ABCC5: variants seen among roughly 807,000 people sequenced by gnomAD.
The protein encoded by ABCC5 is ATP-binding cassette sub-family C member 5.
A neutral mutation model predicts 160.9 loss-of-function variants in ABCC5; 61 were observed. The ratio of observed to expected loss-of-function variants is 0.38; its 90% CI spans 0.31 to 0.47. ABCC5 has a LOEUF of 0.47. ABCC5 is among the 20% of genes least tolerant of loss of function. The pLI is 0.99. For missense variants in ABCC5, 1,308 were observed against 1,813.3 expected (o/e 0.72, Z 5.06); for synonymous variants, 666 against 700.6 (o/e 0.95, Z 0.78).
Position 183,951,424 on chromosome 3 carries a change from G to C in ABCC5, c.2944+17C>G, listed in dbSNP as rs372787700. On this transcript the variant is annotated intron_variant, in intron 20 of 29. Transcript: ENST00000334444. This position sits in a 1 kb window ranked among gnomAD's most constrained non-coding sequence, Gnocchi z 4.7. ...AGTGAGCTCCAGAGTATTAAAAAAA[G>C]GCTCAGTGAGAAATACCTTCATCCA... is the stretch of plus-strand genomic sequence containing the variant. 5.0e-6 allele frequency: 8 copies of C among 1,613,274 alleles called. 1 individual carries two copies. Among genetic ancestry groups the C allele is most frequent in the East Asian group, 2.2e-5 (1 of 44,866 alleles).
chr3:184,017,283 C>G lies in ABCC5; in HGVS notation c.-56+547G>C, dbSNP rs972915078. On this transcript the variant is annotated intron_variant, in intron 1 of 29. Coordinates refer to ENST00000334444, the MANE Select transcript of ABCC5 (RefSeq NM_005688.4). This position sits in a 1 kb window ranked among gnomAD's most constrained non-coding sequence, Gnocchi z 4.5. Reference sequence around the variant, plus strand: ...GGCTGCGTTCCCGGCACAGCCACGGCTTTGCTGCGCGTGCTTATGTCACGT... The same window carrying G: ...GGCTGCGTTCCCGGCACAGCCACGGGTTTGCTGCGCGTGCTTATGTCACGT... 1.3e-5 allele frequency: 2 copies of G among 152,284 alleles called. No individual in the cohort carries two copies. The highest frequency in any genetic ancestry group is 2.9e-5 in the Non-Finnish European group (2 of 68,084). 9.4% of individuals were successfully genotyped at this position (152,284 alleles called of 1,614,324 possible). A position where few individuals can be genotyped will look rare whatever the true frequency, so the allele number is the denominator to read the frequency against.
intron 5 of ABCC5, chr3:183,984,594 CCCAGGAAATAA>C (rs2108858724): frequency 1.5e-6 from 2 of 1,359,856 alleles, no homozygotes; most frequent in Middle Eastern, 5.6e-4. Context: ...TTTGCCAAGT[CCCAGGAAATAA>C]CCTGATCAAA....
Position 183,982,301 on chromosome 3 carries a change from G to T in ABCC5, c.999+150C>A. 1.1e-6 allele frequency: 1 copy of T among 873,934 alleles called. No homozygotes were observed. Among genetic ancestry groups the T allele is most frequent in the South Asian group, 1.8e-5 (1 of 54,514 alleles). The allele number at this position is 873,934 out of a possible 1,614,324, so 54.1% of individuals were successfully genotyped here. The stretch of plus-strand genomic sequence containing the variant: ...CTCAAGTCAAAATTCTGTCCCTATA[G>T]AGCAAGCACTATCGAGCTCTAGATT... On this transcript the variant is annotated intron_variant, in intron 7 of 29. Coordinates refer to ENST00000334444, the MANE Select transcript of ABCC5 (RefSeq NM_005688.4). The surrounding 1 kb of genome is among the most constrained non-coding windows in gnomAD (Gnocchi z 5.2).
chr3:183,991,321 A>C (rs1719750589), intron 2 of ABCC5, among the ~76,000 whole-genome samples: 1 of 151,060 alleles, frequency 6.6e-6, no homozygotes, highest in Non-Finnish European at 1.5e-5. Flanking sequence ...AAAAAACAAA[A>C]AACAAACAAA....
Position 183,977,540 on chromosome 3 carries a change from A to AGGCTTCT in ABCC5, c.1374_1380dup (p.Ser461ArgfsTer7). The stretch of plus-strand genomic sequence containing the variant: ...ACCTTAAATCTGTCAACAGCCACTG[A>AGGCTTCT]GGCTTCTGAGAGGGACTTTACTGAA... On this transcript the variant is annotated frameshift_variant, in exon 10 of 30. Coordinates refer to ENST00000334444, the MANE Select transcript of ABCC5 (RefSeq NM_005688.4). LOFTEE classifies it high-confidence loss of function. The AGGCTTCT allele has an allele frequency of 6.2e-7, 1 of 1,613,912 alleles. No homozygotes were observed.
chr3:183,925,690 G>A lies in ABCC5; in HGVS notation c.4077C>T (p.Ala1359=). ...TCAATAAGTCTGTCTCTGTGTCCAT[G>A]GCAGCTGTGGCTTCATCTAAAATCA... ...KILILDEATA[A]MDTETDLLIQ... is the part of the protein sequence containing the mutation. The change falls in exon 29 of 30, where the codon GCC becomes GCT. Residue 1359 remains alanine, a synonymous_variant. Transcript: ENST00000334444. 6.2e-7 allele frequency: 1 copy of A among 1,613,384 alleles called. No homozygotes were observed. Among genetic ancestry groups the A allele is most frequent in the Non-Finnish European group, 8.5e-7 (1 of 1,179,876 alleles).
chr3:183,945,909 G>A lies in ABCC5; in HGVS notation c.3445C>T (p.Leu1149=). The change falls in exon 24 of 30, where the codon CTG becomes TTG. Residue 1149 remains leucine, a synonymous_variant. Coordinates refer to ENST00000334444, the MANE Select transcript of ABCC5 (RefSeq NM_005688.4). ...AATCGAGCTTCTGTCTCAGATGCCA[G>A]TCTGACCGTAAACTGGAACAGCCCC... is the stretch of plus-strand genomic sequence containing the variant. ...LTGLFQFTVR[L]ASETEARFTS... is the part of the protein sequence containing the mutation. The A allele has an allele frequency of 6.2e-7, 1 of 1,614,124 alleles. No individual in the cohort carries two copies. The highest frequency in any genetic ancestry group is 8.5e-7 in the Non-Finnish European group (1 of 1,179,988).
chr3:183,942,872 G>A lies in ABCC5; in HGVS notation c.3549C>T (p.Pro1183=), dbSNP rs1258232093. The A allele has an allele frequency of 1.2e-6, 2 of 1,613,954 alleles. No homozygotes were observed. Among genetic ancestry groups the A allele is most frequent in the African/African-American group, 1.3e-5 (1 of 74,908 alleles). Reference sequence around the variant, plus strand: ...CTCCCTCCTGGGGCCAGTCAGGGGAGGGAGCCTTGTTCTTAATTCTGGCAG... The same window carrying A: ...CTCCCTCCTGGGGCCAGTCAGGGGAAGGAGCCTTGTTCTTAATTCTGGCAG... ...EAPARIKNKA[P]SPDWPQEGEV... The change falls in exon 25 of 30, where the codon CCC becomes CCT. Residue 1183 remains proline, a synonymous_variant. Coordinates refer to ENST00000334444, the MANE Select transcript of ABCC5 (RefSeq NM_005688.4).
intron 26 of ABCC5, among the ~76,000 whole-genome samples, chr3:183,930,115 G>C (rs1207453156): frequency 1.3e-5 from 2 of 152,208 alleles, no homozygotes; most frequent in East Asian, 1.9e-4. Flanking sequence ...AATTATGCCT[G>C]GCATGTGGGA....
In ABCC5 at chr3:184,017,089, C is replaced by G. The variant is rs1722252545; in HGVS notation, c.-56+741G>C. 6.6e-6 allele frequency among the ~76,000 whole-genome samples: 1 copy of G among 152,228 alleles called. No homozygotes were observed. Among genetic ancestry groups the G allele is most frequent in the Admixed American group, 6.5e-5 (1 of 15,284 alleles). On this transcript the variant is annotated intron_variant, in intron 1 of 29. Transcript: ENST00000334444. This position sits in a 1 kb window ranked among gnomAD's most constrained non-coding sequence, Gnocchi z 4.5. ...GCGGACCACAGTAAAACCTAGCCAT[C>G]TCCTCCTCCAAGACCTCCTGAAACT...
At chr3:183,943,866 G>T (rs1467956068) in intron 24 of ABCC5, among the ~76,000 whole-genome samples, 2 of 151,388 alleles carry the variant, frequency 1.3e-5, no homozygotes, top group African/African-American at 4.9e-5. Flanking sequence ...TACACACACG[G>T]GTCATCTACA....
chr3:183,929,466 C>T (rs1712953595), intron 26 of ABCC5, among the ~76,000 whole-genome samples: 1 of 152,014 alleles, frequency 6.6e-6, no homozygotes, highest in African/African-American at 2.4e-5. Context: ...AAAAATAAAT[C>T]TCTCCATACG....
intron 2 of ABCC5, among the ~76,000 whole-genome samples, chr3:183,996,322 T>C (rs1271632619): frequency 6.6e-6 from 1 of 152,198 alleles, no homozygotes; most frequent in Non-Finnish European, 1.5e-5. Flanking sequence ...AAATGCCAGT[T>C]CCTATGTGTA....
intron 8 of ABCC5, among the ~76,000 whole-genome samples, chr3:183,981,251 G>A (rs1168069553): frequency 6.6e-6 from 1 of 152,070 alleles, no homozygotes; most frequent in African/African-American, 2.4e-5. Context: ...AGCTTTGTGG[G>A]CACTTACACG....
Position 184,017,187 on chromosome 3 carries a change from T to G in ABCC5, c.-56+643A>C, listed in dbSNP as rs147816187. 2.2e-4 allele frequency among the ~76,000 whole-genome samples: 34 copies of G among 152,222 alleles called. No homozygotes were observed. The highest frequency in any genetic ancestry group is 8.2e-4 in the African/African-American group (34 of 41,532). On this transcript the variant is annotated intron_variant, in intron 1 of 29. Transcript: ENST00000334444. The surrounding 1 kb of genome is among the most constrained non-coding windows in gnomAD (Gnocchi z 4.5). ...CAGAAACCAAATGGCCCCTGTGTGA[T>G]AAACACAAAGCCACCCGCGGCTCTG...
intron 2 of ABCC5, among the ~76,000 whole-genome samples, chr3:183,998,178 A>G (rs1336257318): frequency 6.6e-6 from 1 of 152,154 alleles, no homozygotes; most frequent in East Asian, 1.9e-4. Flanking sequence ...CTGGGGTTAC[A>G]GGATTAAAAA....
chr3:184,017,786 C>T lies in ABCC5; in HGVS notation c.-56+44G>A, dbSNP rs1722314971. ...AAATGCAAAGGGGTGATCCCCGTGA[C>T]AACCGAGCTGGAGGGCAGGGGTGCG... On this transcript the variant is annotated intron_variant, in intron 1 of 29. Coordinates refer to ENST00000334444, the MANE Select transcript of ABCC5 (RefSeq NM_005688.4). The surrounding 1 kb of genome is among the most constrained non-coding windows in gnomAD (Gnocchi z 4.5). 1 of 152,396 alleles carries T rather than the reference C, an allele frequency of 6.6e-6. No homozygotes were observed. Among genetic ancestry groups the T allele is most frequent in the African/African-American group, 2.4e-5 (1 of 41,484 alleles). The allele number at this position is 152,396 out of a possible 1,614,324, so 9.4% of individuals were successfully genotyped here. A position where few individuals can be genotyped will look rare whatever the true frequency, so the allele number is the denominator to read the frequency against.
chr3:183,968,362 G>A (rs1475160190), intron 11 of ABCC5, among the ~76,000 whole-genome samples: 3 of 151,852 alleles, frequency 2.0e-5, no homozygotes, highest in Non-Finnish European at 4.4e-5. Flanking sequence ...CACCCACCTC[G>A]GCCTCCCAAA....
chr3:183,997,692 C>T (rs575247310), intron 2 of ABCC5, among the ~76,000 whole-genome samples: 11 of 152,332 alleles, frequency 7.2e-5, no homozygotes, highest in South Asian at 6.2e-4. Flanking sequence ...CTTTCCCTTA[C>T]ATTCTACATA....
Sources: gnomAD v4.1 joint callset for allele counts (sites outside exome capture counted in the v4.1 genomes callset) on GRCh38, gnomAD v4.1.1 for gene constraint, Gnocchi (gnomAD v3.1) non-coding constraint, MANE v1.5 for transcripts, NCBI Gene and HGNC (gene_info 2026-07-23, HGNC 2026-07-21) for gene names.